The following EPHB4 variants were observed in gnomAD, a reference collection of about 807,000 sequenced individuals.
EPHB4 encodes EPH receptor B4.
In EPHB4, 50 loss-of-function variants were observed where a neutral mutation model predicts 110.6. The ratio of observed to expected loss-of-function variants is 0.45; its 90% CI spans 0.36 to 0.57. The LOEUF (loss-of-function observed/expected upper bound fraction) is 0.57, where lower values mean the gene tolerates loss of function less well. Among genes scored for constraint, EPHB4 ranks in the 20% least tolerant of loss-of-function variants. The probability of loss-of-function intolerance (pLI) is 0.00; values close to 1 mark genes in which losing one functional copy is unlikely to be tolerated. For synonymous variants in EPHB4, 592 were observed against 578.4 expected (o/e 1.02, Z -0.34); for missense variants, 1,128 against 1,382.1 (o/e 0.82, Z 2.91).
intron 8 of EPHB4, among the ~76,000 whole-genome samples, chr7:100,815,589 A>G (rs1813047947): frequency 6.6e-6 from 1 of 152,170 alleles, no homozygotes; most frequent in African/African-American, 2.4e-5. Context: ...CAATTCTGTG[A>G]ATGTATCAAA....
chr7:100,815,267 G>C (rs1162479440), intron 8 of EPHB4, among the ~76,000 whole-genome samples: 1 of 152,122 alleles, frequency 6.6e-6, no homozygotes, highest in Non-Finnish European at 1.5e-5. Context: ...AGGCTGCAGT[G>C]AGCTGTAATT....
chr7:100,806,444 C>A lies in EPHB4; in HGVS notation c.2460G>T (p.Pro820=). 6.2e-7 allele frequency: 1 copy of A among 1,613,908 alleles called. No homozygotes were observed. Among genetic ancestry groups the A allele is most frequent in the Non-Finnish European group, 8.5e-7 (1 of 1,179,898 alleles). Residue 820 remains proline (P), a synonymous_variant, in exon 14 of 17, where the codon CCG becomes CCT. Coordinates refer to ENST00000358173, the MANE Select transcript of EPHB4 (RefSeq NM_004444.5). ...MWEVMSFGER[P]YWDMSNQDVI... Reference sequence around the variant, plus strand: ...CGTCCTGATTGCTCATGTCCCAGTACGGCCTCTCCCCAAATGACATCACCT... The same window carrying A: ...CGTCCTGATTGCTCATGTCCCAGTAAGGCCTCTCCCCAAATGACATCACCT...
intron 14 of EPHB4, chr7:100,806,167 C>T: frequency 3.3e-6 from 1 of 303,424 alleles, no homozygotes; most frequent in Non-Finnish European, 6.0e-6. Flanking sequence ...ACCATGTTGG[C>T]CAGGCTGGTC....
At position 100,805,638 on chromosome 7, in the gene EPHB4, G is replaced by A. The variant is rs1205295907; in HGVS notation, c.2541C>T (p.Thr847=). 3 of 1,551,726 alleles carry A rather than the reference G, an allele frequency of 1.9e-6. No homozygotes were observed. The highest frequency in any genetic ancestry group is 2.4e-5 in the South Asian group (2 of 81,734). ...YRLPPPPDCP[T]SLHQLMLDCW... is the part of the protein sequence containing the mutation. Reference sequence around the variant, plus strand: ...AGTCCAGCATGAGCTGGTGGAGGGAGGTGGGACAGTCTGGGGGCGGGGGCA... The same window carrying A: ...AGTCCAGCATGAGCTGGTGGAGGGAAGTGGGACAGTCTGGGGGCGGGGGCA... Residue 847 remains threonine (T), a synonymous_variant, in exon 15 of 17, where the codon ACC becomes ACT. Coordinates refer to ENST00000358173, the MANE Select transcript of EPHB4 (RefSeq NM_004444.5).
intron 12 of EPHB4, 78 bp from the exon 13 acceptor site, chr7:100,807,658 T>G: frequency 7.0e-7 from 1 of 1,426,358 alleles, no homozygotes; most frequent in South Asian, 1.3e-5. Context: ...CTTTTTTTTT[T>G]AGAGACAGGG....
intron 10 of EPHB4, chr7:100,813,420 A>G: frequency 6.2e-6 from 4 of 644,910 alleles, no homozygotes; most frequent in Non-Finnish European, 1.0e-5. Flanking sequence ...GGTTAAAATG[A>G]TTCTTCTGCC....
At position 100,817,370 on chromosome 7, in the gene EPHB4, G is replaced by A. The variant is rs767100773; in HGVS notation, c.1423-13C>T. The A allele has an allele frequency of 6.5e-7, 1 of 1,542,790 alleles. No individual in the cohort carries two copies. Among genetic ancestry groups the A allele is most frequent in the Non-Finnish European group, 8.7e-7 (1 of 1,148,808 alleles). ...GACCCTCGGCGCCCTGTCCGGGAGAGGTAGTGGGGTGGCCGTCACCCGGGA... is the reference window on the plus strand; with the variant it reads ...GACCCTCGGCGCCCTGTCCGGGAGAAGTAGTGGGGTGGCCGTCACCCGGGA... On this transcript the variant is annotated splice_polypyrimidine_tract_variant and intron_variant, in intron 7 of 16. Transcript: ENST00000358173.
intron 3 of EPHB4, 141 bp downstream of exon 3, chr7:100,823,503 C>A: frequency 2.6e-6 from 3 of 1,152,618 alleles, no homozygotes; most frequent in Non-Finnish European, 3.6e-6. Context: ...CCCCTTCCCT[C>A]CCCAGACCTA....
At position 100,817,286 on chromosome 7, in the gene EPHB4, C is replaced by T; in HGVS notation, c.1494G>A (p.Lys498=). 6.3e-7 allele frequency: 1 copy of T among 1,599,528 alleles called. No homozygotes were observed. The highest frequency in any genetic ancestry group is 8.5e-7 in the Non-Finnish European group (1 of 1,174,070). ...SENRAELRGL[K]RGASYLVQVR... is the part of the protein sequence containing the mutation. ...CCTGCACCAGGTAGCTGGCTCCCCGCTTCAGCCCCCGCAGCTCTGCCCGGT... is the reference window on the plus strand; with the variant it reads ...CCTGCACCAGGTAGCTGGCTCCCCGTTTCAGCCCCCGCAGCTCTGCCCGGT... The change falls in exon 8 of 17, where the codon AAG becomes AAA. Residue 498 remains lysine, a synonymous_variant. Coordinates refer to ENST00000358173, the MANE Select transcript of EPHB4 (RefSeq NM_004444.5).
intron 7 of EPHB4, 73 bp downstream of exon 7, chr7:100,818,447 T>G: frequency 1.9e-6 from 3 of 1,573,086 alleles, no homozygotes; most frequent in Non-Finnish European, 2.6e-6. Context: ...GCCAGGTGCC[T>G]GCAACCCAGG....
chr7:100,817,638 C>G (rs968924980), intron 7 of EPHB4, among the ~76,000 whole-genome samples: 1 of 152,092 alleles, frequency 6.6e-6, no homozygotes, highest in Non-Finnish European at 1.5e-5. Context: ...CAGTGATTCT[C>G]CTGTCTCAGC....
chr7:100,816,161 G>A (rs955266739), intron 8 of EPHB4, among the ~76,000 whole-genome samples: 1 of 147,522 alleles, frequency 6.8e-6, no homozygotes, highest in Non-Finnish European at 1.5e-5. Context: ...GTGAGACTCC[G>A]TCTCAAAAAA....
In EPHB4 at chr7:100,819,833, G is replaced by A. The variant is rs749864365; in HGVS notation, c.1021C>T (p.Leu341=). The A allele has an allele frequency of 6.6e-5, 102 of 1,555,858 alleles. No individual in the cohort carries two copies. Among genetic ancestry groups the A allele is most frequent in the African/African-American group, 1.4e-4 (10 of 73,322 alleles). ...VSRLNGSSLH[L]EWSAPLESGG... ...GACTCCAGGGGGGCACTCCATTCCAGGTGCAGGGAGGAGCCGTTCAGGCGG... is the reference window on the plus strand; with the variant it reads ...GACTCCAGGGGGGCACTCCATTCCAAGTGCAGGGAGGAGCCGTTCAGGCGG... Residue 341 remains leucine (L), a synonymous_variant, in exon 6 of 17, where the codon CTG becomes TTG. Coordinates refer to ENST00000358173, the MANE Select transcript of EPHB4 (RefSeq NM_004444.5).
intron 3 of EPHB4, among the ~76,000 whole-genome samples, chr7:100,823,131 T>C (rs776882323): frequency 7.9e-5 from 12 of 151,736 alleles, no homozygotes; most frequent in Non-Finnish European, 1.8e-4. Context: ...AAAATATAGA[T>C]ATAAAAGAAA....
rs753554861 is a variant in EPHB4, at chr7:100,827,082, C to G, written c.-52G>C. 3.2e-6 allele frequency: 5 copies of G among 1,544,630 alleles called. No individual in the cohort carries two copies. In the African/African-American group the frequency reaches 6.9e-5, roughly 21 times the overall value. On this transcript the variant is annotated 5_prime_UTR_variant, in exon 1 of 17. Transcript: ENST00000358173. ...GAACTGAGTTTGGGGGGCCCTCGCC[C>G]CCCCAGGTCTGACTCTCCCTGGGCG...
chr7:100,804,820 T>G (rs314351), intron 16 of EPHB4, among the ~76,000 whole-genome samples: 149,120 of 152,258 alleles, frequency 0.98, 73,105 homozygotes, highest in East Asian at 1. Flanking sequence ...CCTTTTATGG[T>G]TGGAAAAAGA....
intron 16 of EPHB4, 38 bp downstream of exon 16, chr7:100,805,128 G>A (rs372456675): frequency 1.6e-5 from 25 of 1,597,980 alleles, no homozygotes; most frequent in African/African-American, 1.3e-4. Flanking sequence ...CAGCTGCCCC[G>A]CTCTCCCAGC....
chr7:100,805,966 T>C, intron 14 of EPHB4: 1 of 378,772 alleles, frequency 2.6e-6, no homozygotes. Flanking sequence ...CCAACTCTTT[T>C]ATTTATTTAT....
rs1322383146 is a variant in EPHB4 at position 100,803,240 on chromosome 7, G to A, written c.*221C>T. On this transcript the variant is annotated 3_prime_UTR_variant, in exon 17 of 17. Coordinates refer to ENST00000358173, the MANE Select transcript of EPHB4 (RefSeq NM_004444.5). ...TCACACCCAGTCCTGAGGGAAAGGCGCCCTCACCCTTGGTCTGGAGTTCCC... is the reference window on the plus strand; with the variant it reads ...TCACACCCAGTCCTGAGGGAAAGGCACCCTCACCCTTGGTCTGGAGTTCCC... The A allele has an allele frequency of 1.7e-5, 8 of 457,364 alleles. No homozygotes were observed. The highest frequency in any genetic ancestry group is 5.1e-5 in the South Asian group (1 of 19,426). The allele number at this position is 457,364 out of a possible 1,614,324, so 28.3% of individuals were successfully genotyped here.
Sources: allele counts gnomAD v4.1 joint callset (sites outside exome capture counted in the v4.1 genomes callset), GRCh38; gene constraint gnomAD v4.1.1; transcripts MANE v1.5; gene names NCBI Gene and HGNC (gene_info 2026-07-23, HGNC 2026-07-21).